Variants in OSBPL3 observed in about 807,000 individuals in gnomAD.
The protein encoded by OSBPL3 is oxysterol binding protein like 3.
In OSBPL3, 65 loss-of-function variants were observed where a neutral mutation model predicts 120.1. The observed-to-expected ratio is 0.54, with a 90% confidence interval of 0.44 to 0.67. The LOEUF (loss-of-function observed/expected upper bound fraction) is 0.67, where lower values mean the gene tolerates loss of function less well. Ranked by LOEUF, OSBPL3 falls within the 30% of genes least tolerant of loss-of-function variation. The probability of loss-of-function intolerance (pLI) is 0.00; values close to 1 mark genes in which losing one functional copy is unlikely to be tolerated. For synonymous variants in OSBPL3, 416 were observed against 402.6 expected (o/e 1.03, Z -0.40); for missense variants, 1,004 against 1,082.1 (o/e 0.93, Z 1.01).
At chr7:24,800,341 T>A (rs537864941) in intron 22 of OSBPL3, 62 bp from the exon 23 acceptor site, 13 of 952,986 alleles carry the variant, frequency 1.4e-5, no homozygotes, top group Middle Eastern at 2.1e-4. Flanking sequence ...CTCAAGTCTC[T>A]TTCCTTCCTA....
intron 1 of OSBPL3, among the ~76,000 whole-genome samples, chr7:24,977,380 G>T (rs923155277): frequency 6.6e-6 from 1 of 152,160 alleles, no homozygotes; most frequent in South Asian, 2.1e-4. Flanking sequence ...TTTAATATTT[G>T]TATCACTGGA....
At chr7:24,814,547 C>T (rs1390289937) in intron 19 of OSBPL3, among the ~76,000 whole-genome samples, 4 of 152,000 alleles carry the variant, frequency 2.6e-5, no homozygotes, top group Admixed American at 1.3e-4. Context: ...GCATTAAATA[C>T]ATTCACAATG....
At chr7:24,845,756 A>G (rs947662674) in intron 12 of OSBPL3, among the ~76,000 whole-genome samples, 1 of 151,480 alleles carries the variant, frequency 6.6e-6, no homozygotes, top group African/African-American at 2.4e-5. Context: ...AGTTTGATAA[A>G]TATTTACATT....
intron 12 of OSBPL3, among the ~76,000 whole-genome samples, chr7:24,847,998 TAAGAG>T (rs909488092): frequency 2.0e-5 from 3 of 152,214 alleles, no homozygotes; most frequent in Admixed American, 6.5e-5. Context: ...TCAGAAGTAG[TAAGAG>T]ACCCACAAGC....
chr7:24,949,747 C>T (rs1405905068), intron 1 of OSBPL3, among the ~76,000 whole-genome samples: 2 of 152,112 alleles, frequency 1.3e-5, no homozygotes, highest in Non-Finnish European at 2.9e-5. Context: ...CAGTGCACAA[C>T]CTCAAGCAGA....
chr7:24,933,030 G>A lies in OSBPL3; in HGVS notation c.-149-40409C>T, dbSNP rs189618179. ...CTGCTGCACCAACTCCAGTCTTCAC[G>A]GTTCACAGGAGGAGAATGGAAGGGC... On this transcript the variant is annotated intron_variant, in intron 1 of 22. Coordinates refer to ENST00000313367, the MANE Select transcript of OSBPL3 (RefSeq NM_015550.4). The surrounding 1 kb of genome is among the most constrained non-coding windows in gnomAD (Gnocchi z 5.1). Among the ~76,000 whole-genome samples the A allele has an allele frequency of 1.6e-4, 24 of 152,302 alleles. No homozygotes were observed. The highest frequency in any genetic ancestry group is 9.8e-4 in the Admixed American group (15 of 15,306).
chr7:24,814,594 T>C (rs1794238497), intron 19 of OSBPL3, among the ~76,000 whole-genome samples: 1 of 152,176 alleles, frequency 6.6e-6, no homozygotes, highest in Admixed American at 6.5e-5. Context: ...TCTAGAACTT[T>C]TTCATCTTCC....
In OSBPL3 at chr7:24,799,118, T is replaced by C. The variant is rs1792014486; in HGVS notation, c.*1065A>G. The C allele has an allele frequency of 6.6e-6, 1 of 152,620 alleles. No individual in the cohort carries two copies. The highest frequency in any genetic ancestry group is 6.5e-5 in the Admixed American group (1 of 15,280). The allele number at this position is 152,620 out of a possible 1,614,324, so 9.5% of individuals were successfully genotyped here. A position where few individuals can be genotyped will look rare whatever the true frequency, so the allele number is the denominator to read the frequency against. On this transcript the variant is annotated 3_prime_UTR_variant, in exon 23 of 23. Transcript: ENST00000313367. This position sits in a 1 kb window ranked among gnomAD's most constrained non-coding sequence, Gnocchi z 5.3. ...AGCAAGAACATCAATTCTCTACATT[T>C]GTCTATAAGGCAGATGGCAACTTTT...
rs1339564477 is a variant in OSBPL3, at chr7:24,806,456, CG to C, written c.2444+319del. Among the ~76,000 whole-genome samples, 3 of 152,114 alleles carry C rather than the reference CG, an allele frequency of 2.0e-5. No homozygotes were observed. Among genetic ancestry groups the C allele is most frequent in the Non-Finnish European group, 4.4e-5 (3 of 68,014 alleles). ...CCAAAATCATTTAAATTTGAGGGCTCGGGGAGCTGGAGGTTTTAACTTACTT... is the reference window on the plus strand; with the variant it reads ...CCAAAATCATTTAAATTTGAGGGCTCGGGAGCTGGAGGTTTTAACTTACTT... On this transcript the variant is annotated intron_variant, in intron 21 of 22. Transcript: ENST00000313367. The surrounding 1 kb of genome is among the most constrained non-coding windows in gnomAD (Gnocchi z 5.2).
Position 24,866,233 on chromosome 7 carries a change from T to C in OSBPL3, c.386A>G (p.Lys129Arg). ...CCACTCATCAAAGACTTCTTCTGAC[T>C]TGACCTATAATATATTCGATTGAAA... Reference protein sequence around the residue: ...TEEHIYHLKVKSEEVFDEWVS... With the variant: ...TEEHIYHLKVRSEEVFDEWVS... Residue 129 changes from lysine to arginine, a missense_variant, in exon 6 of 23, where the codon AAG becomes AGG. Around this residue, in one of 4 missense-constraint regions of OSBPL3, gnomAD observed 255 missense variants for 248.7 expected, o/e 1.03. Coordinates refer to ENST00000313367, the MANE Select transcript of OSBPL3 (RefSeq NM_015550.4). The C allele has an allele frequency of 6.2e-7, 1 of 1,603,870 alleles. No individual in the cohort carries two copies. The highest frequency in any genetic ancestry group is 8.5e-7 in the Non-Finnish European group (1 of 1,170,612).
chr7:24,934,642 G>T (rs979196996), intron 1 of OSBPL3, among the ~76,000 whole-genome samples: 1 of 152,064 alleles, frequency 6.6e-6, no homozygotes, highest in African/African-American at 2.4e-5. Context: ...CTACTTAGAC[G>T]GCTTTATCCT....
intron 1 of OSBPL3, among the ~76,000 whole-genome samples, chr7:24,949,663 C>T (rs1814152589): frequency 6.6e-6 from 1 of 152,236 alleles, no homozygotes; most frequent in South Asian, 2.1e-4. Flanking sequence ...TCCCCAGAGC[C>T]TTCTTTGAAG....
intron 1 of OSBPL3, among the ~76,000 whole-genome samples, chr7:24,975,770 G>T (rs1294939453): frequency 6.6e-6 from 1 of 152,218 alleles, no homozygotes; most frequent in African/African-American, 2.4e-5. Context: ...ATCAGAAACT[G>T]AACTGGGAAG....
intron 19 of OSBPL3, among the ~76,000 whole-genome samples, chr7:24,810,612 AT>A (rs1793675139): frequency 6.6e-6 from 1 of 152,210 alleles, no homozygotes; most frequent in Non-Finnish European, 1.5e-5. Flanking sequence ...TATAGTCATC[AT>A]GTTGTACGAT....
intron 22 of OSBPL3, among the ~76,000 whole-genome samples, chr7:24,801,015 G>A (rs1230568088): frequency 6.6e-6 from 1 of 151,086 alleles, no homozygotes; most frequent in East Asian, 1.9e-4. Context: ...GGCCGAAGCG[G>A]GCACATCACG....
At position 24,947,915 on chromosome 7, in the gene OSBPL3, G is replaced by A. The variant is rs1467437555; in HGVS notation, c.-150+31971C>T. Among the ~76,000 whole-genome samples the A allele has an allele frequency of 3.3e-5, 5 of 152,256 alleles. No individual in the cohort carries two copies. In the East Asian group the frequency reaches 7.7e-4, roughly 23 times the overall value. On this transcript the variant is annotated intron_variant, in intron 1 of 22. Coordinates refer to ENST00000313367, the MANE Select transcript of OSBPL3 (RefSeq NM_015550.4). This position sits in a 1 kb window ranked among gnomAD's most constrained non-coding sequence, Gnocchi z 4.4. ...CCAAAGAGCTCTATCCATTCACTGT[G>A]TGCCAAAGATGCAAGAGATTATATC...
chr7:24,860,311 T>C (rs887671402), intron 10 of OSBPL3, among the ~76,000 whole-genome samples: 8 of 152,198 alleles, frequency 5.3e-5, no homozygotes, highest in Non-Finnish European at 1.0e-4. Context: ...ACCCTACAGA[T>C]ATGGTTTGGC....
rs772927986 is a variant in OSBPL3, at chr7:24,870,864, G to A, written c.268-19C>T. The A allele has an allele frequency of 2.0e-6, 3 of 1,467,306 alleles. No individual in the cohort carries two copies. The South Asian group carries it at 3.4e-5, about 17-fold the overall frequency. The allele number at this position is 1,467,306 out of a possible 1,614,324, so 90.9% of individuals were successfully genotyped here. A position where few individuals can be genotyped will look rare whatever the true frequency, so the allele number is the denominator to read the frequency against. On this transcript the variant is annotated intron_variant, in intron 4 of 22. Coordinates refer to ENST00000313367, the MANE Select transcript of OSBPL3 (RefSeq NM_015550.4). ...TCTCTATCTGCAGAGGCACCAAGAG[G>A]GTCACTTGGGGACCATGGTGTTAGA...
intron 15 of OSBPL3, among the ~76,000 whole-genome samples, chr7:24,832,632 TG>T (rs1796541529): frequency 6.6e-6 from 1 of 152,030 alleles, no homozygotes; most frequent in Non-Finnish European, 1.5e-5. Flanking sequence ...TCCACATTGG[TG>T]ACCTGTGAAA....
Sources: allele counts gnomAD v4.1 joint callset (sites outside exome capture counted in the v4.1 genomes callset), GRCh38; gene constraint gnomAD v4.1.1; regional missense constraint gnomAD v4.1.1; non-coding constraint Gnocchi (gnomAD v3.1); transcripts MANE v1.5; gene names NCBI Gene and HGNC (gene_info 2026-07-23, HGNC 2026-07-21).